Variants in RYR3 observed in about 807,000 individuals in gnomAD.
The protein encoded by RYR3 is ryanodine receptor 3.
A neutral mutation model predicts 584.3 loss-of-function variants in RYR3; 207 were observed. The observed-to-expected ratio is 0.35, with a 90% confidence interval of 0.32 to 0.40. The LOEUF is 0.40. Among genes scored for constraint, RYR3 ranks in the 10% least tolerant of loss-of-function variants. The pLI, the probability that RYR3 is intolerant of heterozygous loss-of-function variation, is 1.00. For missense variants in RYR3, 5,616 were observed against 6,089.2 expected (o/e 0.92, Z 2.59); for synonymous variants, 2,416 against 2,248.5 (o/e 1.07, Z -2.11).
intron 69 of RYR3, among the ~76,000 whole-genome samples, chr15:33,806,204 C>T (rs1212967768): frequency 2.0e-5 from 3 of 152,132 alleles, no homozygotes; most frequent in African/African-American, 7.2e-5. Context: ...GATGTGTCCT[C>T]AAAGTCACTC....
At chr15:33,810,943 T>C in intron 71 of RYR3, 35 bp from the exon 72 acceptor site, 2 of 1,566,300 alleles carry the variant, frequency 1.3e-6, no homozygotes, top group East Asian at 4.6e-5. Flanking sequence ...TCCATGGTGA[T>C]CTCCGGGAAT....
At chr15:33,728,552 G>A (rs1487963837) in intron 46 of RYR3, among the ~76,000 whole-genome samples, 1 of 152,320 alleles carries the variant, frequency 6.6e-6, no homozygotes. Context: ...CTAGAAGCGT[G>A]TTGGATTTTT....
chr15:33,762,539 C>T (rs897615316), intron 60 of RYR3, among the ~76,000 whole-genome samples: 8 of 152,046 alleles, frequency 5.3e-5, no homozygotes, highest in Non-Finnish European at 7.4e-5. Flanking sequence ...GCATAAAATA[C>T]GTAGGAATAC....
chr15:33,374,694 A>G (rs114096280), intron 1 of RYR3, among the ~76,000 whole-genome samples: 2,110 of 152,298 alleles, frequency 0.014, 47 homozygotes, highest in African/African-American at 0.048. Context: ...TGGTAATGAA[A>G]TGGTAATGTT....
rs568751966 is a variant in RYR3 at position 33,843,724 on chromosome 15, A to G, written c.13296+150A>G. ...TCTAAGACATTGGCTTCTAAAAGGA[A>G]TACAATTTCTAGCAGTGGAGAGACT... On this transcript the variant is annotated intron_variant, in intron 92 of 103. Coordinates refer to ENST00000634891, the MANE Select transcript of RYR3 (RefSeq NM_001036.6). 168 of 611,352 alleles carry G rather than the reference A, an allele frequency of 2.7e-4. 1 individual carries two copies. Among genetic ancestry groups the G allele is most frequent in the Non-Finnish European group, 3.7e-4 (128 of 346,810 alleles). 37.9% of individuals were successfully genotyped at this position (611,352 alleles called of 1,614,324 possible). A position where few individuals can be genotyped will look rare whatever the true frequency, so the allele number is the denominator to read the frequency against.
chr15:33,528,597 A>G (rs1295686015), intron 3 of RYR3, among the ~76,000 whole-genome samples: 1 of 152,242 alleles, frequency 6.6e-6, no homozygotes, highest in Non-Finnish European at 1.5e-5. Context: ...AAAAGGAGAC[A>G]GTATAGCACA....
At chr15:33,581,396 C>T (rs2058583782) in intron 13 of RYR3, 112 bp from the exon 14 acceptor site, 1 of 1,078,858 alleles carries the variant, frequency 9.3e-7, no homozygotes, top group African/African-American at 1.6e-5. Flanking sequence ...GGTCTATTTG[C>T]ATATTGGCAT....
At chr15:33,593,117 G>T (rs2059210618) in intron 16 of RYR3, among the ~76,000 whole-genome samples, 1 of 152,198 alleles carries the variant, frequency 6.6e-6, no homozygotes, top group African/African-American at 2.4e-5. Context: ...TCCAAAGGAG[G>T]CAATCAGATA....
Position 33,806,455 on chromosome 15 carries a change from C to T in RYR3, c.10012-1100C>T, listed in dbSNP as rs72715181. Among the ~76,000 whole-genome samples, 184 of 151,116 alleles carry T rather than the reference C, an allele frequency of 1.2e-3. 1 individual carries two copies. The highest frequency in any genetic ancestry group is 4.1e-3 in the African/African-American group (167 of 41,086). On this transcript the variant is annotated intron_variant, in intron 69 of 103. Transcript: ENST00000634891. ...ATCACTTGAGGCCGAGAGTTCAATA[C>T]GAGCCTGGGCAACATAGCGAAACCC...
In RYR3 at chr15:33,837,707, C is replaced by A. The variant is rs1321184167; in HGVS notation, c.11727C>A (p.Ile3909=). ...AATCATCTACCAATGTAGAAATGAT[C>A]TTGAAATTCTTTGACATGTTCTTGA... is the stretch of plus-strand genomic sequence containing the variant. ...LVESSTNVEM[I]LKFFDMFLKL... The change falls in exon 89 of 104, where the codon ATC becomes ATA. Residue 3909 remains isoleucine, a synonymous_variant. Coordinates refer to ENST00000634891, the MANE Select transcript of RYR3 (RefSeq NM_001036.6). The A allele has an allele frequency of 6.2e-7, 1 of 1,610,378 alleles. No individual in the cohort carries two copies. The highest frequency in any genetic ancestry group is 8.5e-7 in the Non-Finnish European group (1 of 1,177,978).
intron 1 of RYR3, among the ~76,000 whole-genome samples, chr15:33,321,506 G>A (rs1478812955): frequency 6.6e-6 from 1 of 152,150 alleles, no homozygotes; most frequent in Non-Finnish European, 1.5e-5. Flanking sequence ...GTCCTTCCCT[G>A]GTTGAGAGTA....
intron 18 of RYR3, among the ~76,000 whole-genome samples, chr15:33,604,416 A>G (rs2059812291): frequency 6.6e-6 from 1 of 152,082 alleles, no homozygotes; most frequent in African/African-American, 2.4e-5. Context: ...CTTCATTTTC[A>G]GTTGGTCCAT....
intron 1 of RYR3, among the ~76,000 whole-genome samples, chr15:33,403,815 C>T (rs1324388046): frequency 2.0e-5 from 3 of 152,188 alleles, no homozygotes; most frequent in Non-Finnish European, 4.4e-5. Context: ...ATTGGTTCCT[C>T]CAGTGCCTTT....
At chr15:33,420,791 G>A (rs896740110) in intron 1 of RYR3, among the ~76,000 whole-genome samples, 6 of 152,060 alleles carry the variant, frequency 3.9e-5, no homozygotes, top group African/African-American at 1.4e-4. Context: ...GATGAAATAT[G>A]CAGATATGGA....
chr15:33,351,706 A>G (rs1475085071), intron 1 of RYR3, among the ~76,000 whole-genome samples: 2 of 151,384 alleles, frequency 1.3e-5, no homozygotes, highest in African/African-American at 2.4e-5. Context: ...ACAAAATTCA[A>G]CAACCCTTCA....
At chr15:33,646,159 G>A (rs772269103) in intron 28 of RYR3, 192 bp from the exon 29 acceptor site, 15 of 498,820 alleles carry the variant, frequency 3.0e-5, no homozygotes, top group Non-Finnish European at 4.2e-5. Context: ...TCCCTAGCCA[G>A]GAGCAGATCT....
chr15:33,726,646 C>A, intron 46 of RYR3, 140 bp downstream of exon 46: 1 of 870,956 alleles, frequency 1.1e-6, no homozygotes, highest in Non-Finnish European at 1.7e-6. Flanking sequence ...ACTCTTTTTC[C>A]TGTGATGAGT....
At chr15:33,593,997 G>A (rs1415676756) in intron 16 of RYR3, among the ~76,000 whole-genome samples, 1 of 152,172 alleles carries the variant, frequency 6.6e-6, no homozygotes, top group Non-Finnish European at 1.5e-5. Flanking sequence ...ACTTCTTAAA[G>A]CTGAGCCCAG....
intron 1 of RYR3, among the ~76,000 whole-genome samples, chr15:33,402,034 A>C (rs1479502503): frequency 3.3e-5 from 5 of 152,232 alleles, no homozygotes; most frequent in African/African-American, 1.2e-4. Flanking sequence ...ATTATTATAA[A>C]ATAATAGATG....
Sources: gnomAD v4.1 joint callset for allele counts (sites outside exome capture counted in the v4.1 genomes callset) on GRCh38, gnomAD v4.1.1 for gene constraint, MANE v1.5 for transcripts, NCBI Gene and HGNC (gene_info 2026-07-23, HGNC 2026-07-21) for gene names.